Variants in CFAP119 observed in about 807,000 individuals in gnomAD.
CFAP119 encodes the protein cilia- and flagella-associated protein 119.
At chr16:30,761,081 C>T in the CFAP119 span, 15 of 1,169,512 alleles carry the variant, frequency 1.3e-5, no homozygotes, top group Non-Finnish European at 1.7e-5. Flanking sequence ...GGAGTAATTG[C>T]ATCTCCAGGC....
chr16:30,757,504 G>A, the CFAP119 span: 10 of 1,614,124 alleles, frequency 6.2e-6, no homozygotes, highest in East Asian at 2.2e-5. Context: ...GCCTTTACCC[G>A]GAGGTAGCTG....
At chr16:30,761,542 C>T in the CFAP119 span, 1 of 1,536,186 alleles carries the variant, frequency 6.5e-7, no homozygotes, top group Admixed American at 2.0e-5. Flanking sequence ...GTCCCGCCCT[C>T]ACCGGAAACA....
the CFAP119 span, chr16:30,761,246 A>G: frequency 6.2e-7 from 1 of 1,613,546 alleles, no homozygotes; most frequent in African/African-American, 1.3e-5. Context: ...AAAGAAAGCG[A>G]ATTGGGGAAG....
At chr16:30,760,809 G>A in the CFAP119 span, 8 of 743,130 alleles carry the variant, frequency 1.1e-5, no homozygotes, top group African/African-American at 1.2e-4. Context: ...TATGCAAATC[G>A]TTAACTCTCT....
chr16:30,759,707 C>T, the CFAP119 span: 36 of 1,612,130 alleles, frequency 2.2e-5, no homozygotes, highest in East Asian at 1.1e-4. Context: ...CACTCCTCCA[C>T]GTTGCCCAAG....
the CFAP119 span, chr16:30,760,759 C>T: frequency 1.2e-5 from 14 of 1,193,544 alleles, no homozygotes; most frequent in Middle Eastern, 1.9e-4. Context: ...AGTTGGCCAC[C>T]GGCGTGAAGC....
chr16:30,760,348 G>T, the CFAP119 span: 1 of 1,614,130 alleles, frequency 6.2e-7, no homozygotes. Flanking sequence ...CCAGTGAGAA[G>T]CCCTGCTGGC....
chr16:30,757,932 A>G, the CFAP119 span: 3 of 701,742 alleles, frequency 4.3e-6, no homozygotes, highest in African/African-American at 5.5e-5. Flanking sequence ...GTTTCCTTGT[A>G]TGAAATGTGG....
the CFAP119 span, chr16:30,761,525 C>G: frequency 2.0e-6 from 3 of 1,536,064 alleles, no homozygotes; most frequent in South Asian, 3.6e-5. Context: ...CACGAGCAGA[C>G]CAGACTGTCC....
chr16:30,760,107 C>T, the CFAP119 span: 2 of 1,541,082 alleles, frequency 1.3e-6, no homozygotes, highest in Admixed American at 1.9e-5. Context: ...GTGCTGTATC[C>T]TTAATTTCTA....
the CFAP119 span, chr16:30,758,358 AC>A: frequency 6.5e-6 from 1 of 153,990 alleles, no homozygotes; most frequent in Non-Finnish European, 1.4e-5. Context: ...GTTGTGAGCC[AC>A]TGCACCTGGC....
chr16:30,761,160 G>A, the CFAP119 span: 2 of 1,607,498 alleles, frequency 1.2e-6, no homozygotes, highest in East Asian at 2.2e-5. Context: ...AATAAAGAAC[G>A]CAAATATTCA....
the CFAP119 span, chr16:30,760,005 A>C: frequency 6.8e-7 from 1 of 1,470,374 alleles, no homozygotes; most frequent in Non-Finnish European, 8.9e-7. Flanking sequence ...AACATTCTGA[A>C]GCAAGAGCTA....
the CFAP119 span, chr16:30,760,609 C>G: frequency 6.4e-7 from 1 of 1,558,386 alleles, no homozygotes; most frequent in Non-Finnish European, 8.7e-7. Flanking sequence ...TCCCTACTCC[C>G]TCATCTCAGC....
chr16:30,760,673 TATAGTA>T, the CFAP119 span: 1 of 1,525,480 alleles, frequency 6.6e-7, no homozygotes, highest in Non-Finnish European at 8.8e-7. Context: ...TACTTCCTGT[TATAGTA>T]AAAGAAAAAG....
the CFAP119 span, chr16:30,761,518 G>C: frequency 2.0e-6 from 3 of 1,535,542 alleles, no homozygotes; most frequent in Middle Eastern, 1.7e-4. Flanking sequence ...AAATATTCAC[G>C]AGCAGACCAG....
the CFAP119 span, chr16:30,760,738 G>T: frequency 7.1e-7 from 1 of 1,410,476 alleles, no homozygotes; most frequent in Non-Finnish European, 9.8e-7. Context: ...CAGCTAGTGC[G>T]TGAGACTGGG....
the CFAP119 span, chr16:30,757,686 G>A: frequency 1.3e-6 from 2 of 1,582,342 alleles, no homozygotes; most frequent in Non-Finnish European, 1.7e-6. Context: ...GGCAGGGTGA[G>A]GAGAGATGCT....
the CFAP119 span, chr16:30,761,783 C>A: frequency 6.7e-7 from 1 of 1,491,370 alleles, no homozygotes; most frequent in Non-Finnish European, 8.9e-7. Flanking sequence ...GCGCCCCGGG[C>A]TCCCGCCGCC....
Sources: gnomAD v4.1 joint callset for allele counts on GRCh38, gnomAD v4.1.1 for gene constraint, MANE v1.5 for transcripts, NCBI Gene and HGNC (gene_info 2026-07-23, HGNC 2026-07-21) for gene names.